The following IFT140 variants were observed in gnomAD, a reference collection of about 807,000 sequenced individuals.
IFT140 encodes the protein intraflagellar transport 140, also known as intraflagellar transport protein 140 homolog.
In IFT140, 133 loss-of-function variants were observed where a neutral mutation model predicts 164.6. That is an observed-to-expected ratio of 0.81 (90% CI 0.70 to 0.93). The LOEUF is 0.93. Among genes scored for constraint, IFT140 ranks in the 40% least tolerant of loss-of-function variants. The probability of loss-of-function intolerance (pLI) is 0.00; values close to 1 mark genes in which losing one functional copy is unlikely to be tolerated. For missense variants in IFT140, 2,045 were observed against 1,972.3 expected (o/e 1.04, Z -0.70); for synonymous variants, 860 against 817.3 (o/e 1.05, Z -0.89).
At chr16:1,521,848 C>A (rs191554605) in intron 26 of IFT140, among the ~76,000 whole-genome samples, 28 of 149,246 alleles carry the variant, frequency 1.9e-4, no homozygotes, top group Admixed American at 9.9e-4. Context: ...CAGTCAGACC[C>A]CCATCTCCAC....
At chr16:1,586,317 A>T (rs1384632056) in intron 9 of IFT140, 42 bp from the exon 10 acceptor site, 42 of 1,576,224 alleles carry the variant, frequency 2.7e-5, no homozygotes, top group Non-Finnish European at 3.5e-5. Flanking sequence ...AGTTAAAAAA[A>T]GGGAACAAAA....
chr16:1,520,597 C>T lies in IFT140; in HGVS notation c.3660+5G>A. ...AGCCGCGGGCTGGGGCCGGGAGAGG[C>T]TCACCTTCAGCTTGTTGCCGGCCTG... On this transcript the variant is annotated splice_donor_5th_base_variant and intron_variant, in intron 27 of 30. Coordinates refer to ENST00000426508, the MANE Select transcript of IFT140 (RefSeq NM_014714.4). 1 of 1,570,470 alleles carries T rather than the reference C, an allele frequency of 6.4e-7. No homozygotes were observed. Among genetic ancestry groups the T allele is most frequent in the Non-Finnish European group, 8.7e-7 (1 of 1,154,522 alleles).
At chr16:1,530,531 C>T (rs565194114) in intron 19 of IFT140, among the ~76,000 whole-genome samples, 4 of 152,330 alleles carry the variant, frequency 2.6e-5, no homozygotes, top group Admixed American at 6.5e-5. Flanking sequence ...ACCTGCCCCG[C>T]GTGGCTCCTT....
chr16:1,520,616 C>T lies in IFT140; in HGVS notation c.3646G>A (p.Gly1216Ser), dbSNP rs754891717. 5.0e-6 allele frequency: 8 copies of T among 1,586,602 alleles called. No individual in the cohort carries two copies. The highest frequency in any genetic ancestry group is 6.9e-6 in the Non-Finnish European group (8 of 1,163,980). The change falls in exon 27 of 31, where the codon GGC (glycine) becomes AGC (serine). Residue 1216 changes from glycine (G) to serine (S), a missense_variant. By Grantham distance (56) the Gly-to-Ser change is moderately conservative. Transcript: ENST00000426508. ...HLATKKYTQA[G>S]NKLKAMRALL... is the part of the protein sequence containing the mutation. ...GAGAGGCTCACCTTCAGCTTGTTGC[C>T]GGCCTGCGTGTACTTCTTGGTGGCC...
At position 1,580,859 on chromosome 16, in the gene IFT140, A is replaced by G. The variant is rs1219094744; in HGVS notation, c.1433-9T>C. ...CTCACACAAGAAGGTCCCTAAAATG[A>G]AAGACGAACATCAGGATGGCGGCCG... On this transcript the variant is annotated splice_polypyrimidine_tract_variant and intron_variant, in intron 12 of 30. Coordinates refer to ENST00000426508, the MANE Select transcript of IFT140 (RefSeq NM_014714.4). 6.3e-7 allele frequency: 1 copy of G among 1,596,832 alleles called. No individual in the cohort carries two copies. The highest frequency in any genetic ancestry group is 1.3e-5 in the African/African-American group (1 of 74,568).
In IFT140 at chr16:1,601,167, G is replaced by T. The variant is rs115082487; in HGVS notation, c.369+1203C>A. On this transcript the variant is annotated intron_variant, in intron 4 of 30. Transcript: ENST00000426508. ...TAATCCCAGCTACTCAGAAGGCTAA[G>T]GAGAGAGAATCGCTTGAACTCAGGA... Among the ~76,000 whole-genome samples the T allele has an allele frequency of 5.3e-3, 799 of 152,046 alleles. 7 individuals are homozygous for T. The highest frequency in any genetic ancestry group is 0.019 in the African/African-American group (772 of 41,490).
chr16:1,592,034 C>T, intron 6 of IFT140, 142 bp downstream of exon 6: 1 of 899,636 alleles, frequency 1.1e-6, no homozygotes, highest in South Asian at 1.7e-5. Flanking sequence ...CGGCACTCCG[C>T]CTGGCACACG....
At chr16:1,527,183 A>G (rs12599859) in intron 19 of IFT140, among the ~76,000 whole-genome samples, 30,455 of 152,158 alleles carry the variant, frequency 0.2, 3,857 homozygotes, top group African/African-American at 0.35. Flanking sequence ...CCTGAGCCTG[A>G]GATTGCAGGG....
At position 1,553,107 on chromosome 16, in the gene IFT140, G is replaced by T. The variant is rs1315265127; in HGVS notation, c.2399+4828C>A. 3 of 985,292 alleles carry T rather than the reference G, an allele frequency of 3.0e-6. No homozygotes were observed. In the African/African-American group the frequency reaches 5.2e-5, roughly 17 times the overall value. 61.0% of individuals were successfully genotyped at this position (985,292 alleles called of 1,614,324 possible). ...AAATGCTTAATTCATACTTTCTGGA[G>T]GGTACAGTGATGATGAAAAGATAAT... On this transcript the variant is annotated intron_variant, in intron 19 of 30. Coordinates refer to ENST00000426508, the MANE Select transcript of IFT140 (RefSeq NM_014714.4). The surrounding 1 kb of genome is among the most constrained non-coding windows in gnomAD (Gnocchi z 4.4).
chr16:1,513,878 T>C (rs1353589575), intron 30 of IFT140, among the ~76,000 whole-genome samples: 1 of 141,428 alleles, frequency 7.1e-6, no homozygotes, highest in Admixed American at 6.9e-5. Flanking sequence ...TTTCACCGTG[T>C]TAGCCAAGAT....
At chr16:1,606,771 G>A (rs541496518) in intron 3 of IFT140, among the ~76,000 whole-genome samples, 1 of 152,130 alleles carries the variant, frequency 6.6e-6, no homozygotes, top group African/African-American at 2.4e-5. Flanking sequence ...CATAGATGTC[G>A]TTTTCTTCAT....
chr16:1,522,682 A>G (rs1353844674), intron 26 of IFT140, among the ~76,000 whole-genome samples: 1 of 152,068 alleles, frequency 6.6e-6, no homozygotes, highest in African/African-American at 2.4e-5. Context: ...CTACTAAAAT[A>G]CAAAAATTAG....
At chr16:1,563,127 G>T (rs775859704) in intron 17 of IFT140, among the ~76,000 whole-genome samples, 7 of 151,936 alleles carry the variant, frequency 4.6e-5, no homozygotes, top group Non-Finnish European at 8.8e-5. Flanking sequence ...CCTCCCAACT[G>T]CCTGGGTCAC....
At position 1,611,962 on chromosome 16, in the gene IFT140, C is replaced by T. The variant is rs536974930; in HGVS notation, c.-222+6G>A. 5.9e-5 allele frequency: 9 copies of T among 152,254 alleles called. No homozygotes were observed. Among genetic ancestry groups the T allele is most frequent in the Non-Finnish European group, 1.3e-4 (9 of 68,054 alleles). 9.4% of individuals were successfully genotyped at this position (152,254 alleles called of 1,614,324 possible). A position where few individuals can be genotyped will look rare whatever the true frequency, so the allele number is the denominator to read the frequency against. On this transcript the variant is annotated splice_donor_region_variant and intron_variant, in intron 1 of 30. Coordinates refer to ENST00000426508, the MANE Select transcript of IFT140 (RefSeq NM_014714.4). Reference sequence around the variant, plus strand: ...CATACTCCACCCAGGAAAGGGTGCGCTTAACTGCCTCAGACGTGCTTCCAC... The same window carrying T: ...CATACTCCACCCAGGAAAGGGTGCGTTTAACTGCCTCAGACGTGCTTCCAC...
chr16:1,547,483 C>T (rs937524418), intron 19 of IFT140, among the ~76,000 whole-genome samples: 1 of 152,162 alleles, frequency 6.6e-6, no homozygotes, highest in Non-Finnish European at 1.5e-5. Flanking sequence ...GGAATCGTCT[C>T]GTGGAAATAT....
In IFT140 at chr16:1,520,302, G is replaced by A. The variant is rs1182233715; in HGVS notation, c.3702C>T (p.Ile1234=). 2 of 1,614,106 alleles carry A rather than the reference G, an allele frequency of 1.2e-6. No homozygotes were observed. The highest frequency in any genetic ancestry group is 1.3e-5 in the African/African-American group (1 of 74,956). ...GCCTGGACACGCTCGCGAAGAACGT[G>A]ATTTTCTCCGTGTCTCCGGATTTGA... ...ALLKSGDTEK[I]TFFASVSRQK... The change falls in exon 28 of 31, where the codon ATC becomes ATT. Residue 1234 remains isoleucine, a synonymous_variant. Coordinates refer to ENST00000426508, the MANE Select transcript of IFT140 (RefSeq NM_014714.4).
chr16:1,520,566 T>C (rs1596298036), intron 27 of IFT140, 36 bp downstream of exon 27: 2 of 1,535,526 alleles, frequency 1.3e-6, no homozygotes, highest in African/African-American at 1.4e-5. Context: ...TAACTGCCTG[T>C]GAGGTAGCCG....
intron 24 of IFT140, 116 bp from the exon 25 acceptor site, chr16:1,524,072 C>G: frequency 7.5e-7 from 1 of 1,326,174 alleles, no homozygotes; most frequent in Non-Finnish European, 1.0e-6. Flanking sequence ...CACTGCTCAG[C>G]GATCTCTGCG....
At chr16:1,567,696 G>A (rs1667551822) in intron 15 of IFT140, among the ~76,000 whole-genome samples, 1 of 152,190 alleles carries the variant, frequency 6.6e-6, no homozygotes, top group Admixed American at 6.5e-5. Context: ...CCGCACCAGC[G>A]GAAGGGAAGG....
Sources: gnomAD v4.1 joint callset for allele counts (sites outside exome capture counted in the v4.1 genomes callset) on GRCh38, gnomAD v4.1.1 for gene constraint, Gnocchi (gnomAD v3.1) non-coding constraint, MANE v1.5 for transcripts, NCBI Gene and HGNC (gene_info 2026-07-23, HGNC 2026-07-21) for gene names.